ADARB2: variants seen among roughly 807,000 people sequenced by gnomAD.
ADARB2 encodes the protein adenosine deaminase RNA specific B2 (inactive).
In ADARB2, 25 loss-of-function variants were observed where a neutral mutation model predicts 62.2. The ratio of observed to expected loss-of-function variants is 0.40; its 90% CI spans 0.29 to 0.56. ADARB2 has a LOEUF of 0.56. Ranked by LOEUF, ADARB2 falls within the 20% of genes least tolerant of loss-of-function variation. The pLI is 0.43. For synonymous variants in ADARB2, 572 were observed against 500.8 expected (o/e 1.14, Z -1.90); for missense variants, 1,071 against 1,077.4 (o/e 0.99, Z 0.08).
Position 1,182,326 on chromosome 10 carries a change from G to A in ADARB2, c.*867C>T, listed in dbSNP as rs1836684752. On this transcript the variant is annotated 3_prime_UTR_variant, in exon 10 of 10. Transcript: ENST00000381312. ...CCACCATAAACCAAACGCCATGACG[G>A]ACTGAACAGGCATGGGCCAGGTGTT... 6.5e-6 allele frequency: 1 copy of A among 152,776 alleles called. No individual in the cohort carries two copies. Among genetic ancestry groups the A allele is most frequent in the African/African-American group, 2.4e-5 (1 of 41,454 alleles). The allele number at this position is 152,776 out of a possible 1,614,324, so 9.5% of individuals were successfully genotyped here.
chr10:1,588,823 T>A (rs538521222), intron 1 of ADARB2, among the ~76,000 whole-genome samples: 4 of 152,156 alleles, frequency 2.6e-5, no homozygotes, highest in Non-Finnish European at 5.9e-5. Context: ...GCTTCGCAGA[T>A]GACAAGATCG....
chr10:1,322,416 T>A (rs914568721), intron 3 of ADARB2, among the ~76,000 whole-genome samples: 1 of 152,240 alleles, frequency 6.6e-6, no homozygotes, highest in African/African-American at 2.4e-5. Flanking sequence ...GTATTTGAGT[T>A]AGATTTCTTC....
intron 1 of ADARB2, among the ~76,000 whole-genome samples, chr10:1,387,400 T>TAGAA (rs1169374343): frequency 1.5e-4 from 23 of 152,114 alleles, no homozygotes; most frequent in African/African-American, 5.5e-4. Context: ...TTCCATGTTT[T>TAGAA]CTAATTAGAA....
intron 1 of ADARB2, among the ~76,000 whole-genome samples, chr10:1,585,792 T>C (rs1418020691): frequency 1.3e-5 from 2 of 152,172 alleles, no homozygotes; most frequent in African/African-American, 4.8e-5. Flanking sequence ...CTCAGCACTT[T>C]GGGAGGCCAA....
intron 1 of ADARB2, among the ~76,000 whole-genome samples, chr10:1,457,094 T>A (rs1165405813): frequency 6.6e-6 from 1 of 152,212 alleles, no homozygotes; most frequent in East Asian, 1.9e-4. Context: ...AGAGATGACA[T>A]GGCACAATCT....
intron 1 of ADARB2, among the ~76,000 whole-genome samples, chr10:1,409,956 GGCC>G (rs1832744760): frequency 2.5e-5 from 1 of 39,850 alleles, no homozygotes; most frequent in Non-Finnish European, 6.1e-5. Flanking sequence ...GTGGTGCCGA[GGCC>G]TGGCTGTGGT....
chr10:1,648,449 AG>A (rs1834072032), intron 1 of ADARB2, among the ~76,000 whole-genome samples: 1 of 152,144 alleles, frequency 6.6e-6, no homozygotes, highest in Admixed American at 6.5e-5. Flanking sequence ...TTGTTTTAAA[AG>A]TGTGTTTTTT....
intron 1 of ADARB2, among the ~76,000 whole-genome samples, chr10:1,390,821 C>CTGGTT: frequency 6.6e-6 from 1 of 152,224 alleles, no homozygotes; most frequent in African/African-American, 2.4e-5. Context: ...GAGGGGCAAA[C>CTGGTT]AAGAGCTCCA....
Position 1,512,651 on chromosome 10 carries a change from A to G in ADARB2, c.101-133491T>C, listed in dbSNP as rs916571728. On this transcript the variant is annotated intron_variant, in intron 1 of 9. Transcript: ENST00000381312. ...AGAGCACATGATTCTGAAGCAAATT[A>G]TTTCCCTCCAAGTTTCTGCTCTCAT... Among the ~76,000 whole-genome samples, 34 of 152,214 alleles carry G rather than the reference A, an allele frequency of 2.2e-4. 1 individual carries two copies. The highest frequency in any genetic ancestry group is 8.2e-4 in the African/African-American group (34 of 41,444).
intron 1 of ADARB2, among the ~76,000 whole-genome samples, chr10:1,476,927 C>G (rs1831408437): frequency 6.6e-6 from 1 of 152,140 alleles, no homozygotes; most frequent in Admixed American, 6.5e-5. Context: ...CGGGAACACT[C>G]CTGGCCCACA....
chr10:1,357,412 G>GA (rs35886909), intron 3 of ADARB2, among the ~76,000 whole-genome samples: 1 of 152,072 alleles, frequency 6.6e-6, no homozygotes, highest in Non-Finnish European at 1.5e-5. Context: ...CTTCCCACGG[G>GA]ACCCTCCTGT....
At chr10:1,677,641 G>A (rs965845021) in intron 1 of ADARB2, among the ~76,000 whole-genome samples, 6 of 152,306 alleles carry the variant, frequency 3.9e-5, no homozygotes, top group Non-Finnish European at 7.4e-5. Flanking sequence ...GAAGGCGGCT[G>A]TCTACCTGTT....
At chr10:1,706,509 TTTC>T (rs1834891727) in intron 1 of ADARB2, among the ~76,000 whole-genome samples, 1 of 152,222 alleles carries the variant, frequency 6.6e-6, no homozygotes, top group Non-Finnish European at 1.5e-5. Context: ...GCTGCAGTGA[TTTC>T]TTCTTCTCAA....
intron 1 of ADARB2, among the ~76,000 whole-genome samples, chr10:1,584,248 A>G (rs1353008233): frequency 1.3e-5 from 2 of 152,210 alleles, no homozygotes; most frequent in Non-Finnish European, 2.9e-5. Context: ...TCAACAATAG[A>G]AAAACAAACA....
chr10:1,663,872 A>C (rs11250716), intron 1 of ADARB2, among the ~76,000 whole-genome samples: 45,913 of 151,772 alleles, frequency 0.3, 7,910 homozygotes, highest in East Asian at 0.42. Context: ...CTTGCCTCGG[A>C]CTCCCAAAGT....
At chr10:1,650,170 T>G (rs979185276) in intron 1 of ADARB2, among the ~76,000 whole-genome samples, 2 of 152,244 alleles carry the variant, frequency 1.3e-5, no homozygotes, top group Admixed American at 6.5e-5. Flanking sequence ...TCACATGCTT[T>G]TCTGAAGCAT....
chr10:1,732,973 G>A (rs965825712), intron 1 of ADARB2, among the ~76,000 whole-genome samples: 11 of 152,298 alleles, frequency 7.2e-5, no homozygotes, highest in Non-Finnish European at 1.3e-4. Flanking sequence ...GAGCTACCTC[G>A]TGCTCAAAAT....
intron 1 of ADARB2, among the ~76,000 whole-genome samples, chr10:1,384,535 A>T (rs1237547552): frequency 6.6e-6 from 1 of 152,212 alleles, no homozygotes; most frequent in Non-Finnish European, 1.5e-5. Context: ...TGTAAACAAC[A>T]GCAAAACTGG....
chr10:1,451,480 A>G (rs1326422868), intron 1 of ADARB2, among the ~76,000 whole-genome samples: 4 of 152,178 alleles, frequency 2.6e-5, no homozygotes, highest in Admixed American at 2.6e-4. Context: ...CCACCTGTGC[A>G]GGAAGAGGGA....
Sources: allele counts gnomAD v4.1 joint callset (sites outside exome capture counted in the v4.1 genomes callset), GRCh38; gene constraint gnomAD v4.1.1; transcripts MANE v1.5; gene names NCBI Gene and HGNC (gene_info 2026-07-23, HGNC 2026-07-21).